Variants in EPB41L4A observed in about 807,000 individuals in gnomAD.
EPB41L4A encodes the protein erythrocyte membrane protein band 4.1 like 4A, also known as band 4.1-like protein 4A.
Under a neutral mutation model 108.6 loss-of-function variants are expected in EPB41L4A, and 100 were observed. That is an observed-to-expected ratio of 0.92 (90% CI 0.78 to 1.09). The LOEUF (loss-of-function observed/expected upper bound fraction) is 1.09, where lower values mean the gene tolerates loss of function less well. EPB41L4A is among the 50% of genes least tolerant of loss of function. The pLI is 0.00. For missense variants in EPB41L4A, 1,030 were observed against 842.7 expected, an observed-to-expected ratio of 1.22 and a Z score of -2.75; for synonymous variants, 319 against 289.0, an observed-to-expected ratio of 1.10 and a Z score of -1.05.
At chr5:112,158,363 TTAAAC>T (rs1461687435), downstream of EPB41L4A, 1 of 324,956 alleles carries the variant, frequency 3.1e-6, no homozygotes, top group African/African-American at 2.2e-5. Flanking sequence ...TCATAATTCT[TTAAAC>T]TAACCCATAT....
chr5:112,313,858 CTTTTTTTTTTTT>C lies in EPB41L4A; in HGVS notation c.100-6380_100-6369del, dbSNP rs1188991050. Reference sequence around the variant, plus strand: ...AACCGCTCCAAAAAAAGGTAACTTTCTTTTTTTTTTTTTTTTTTTTTTTGAGATGGAGTCTCA... The same window carrying C: ...AACCGCTCCAAAAAAAGGTAACTTTCTTTTTTTTTTTGAGATGGAGTCTCA... On this transcript the variant is annotated intron_variant, in intron 1 of 22. Transcript: ENST00000261486. Among the ~76,000 whole-genome samples, 3 of 89,470 alleles carry C rather than the reference CTTTTTTTTTTTT, an allele frequency of 3.4e-5. No individual in the cohort carries two copies. The East Asian group carries it at 1.1e-3, about 32-fold the overall frequency. 58.7% of individuals were successfully genotyped at this position (89,470 alleles called of 152,430 possible).
At chr5:112,145,721 A>T (rs1759227021) in intron 13 of EPB41L4A, among the ~76,000 whole-genome samples, 1 of 152,232 alleles carries the variant, frequency 6.6e-6, no homozygotes, top group African/African-American at 2.4e-5. Flanking sequence ...ATTTCACATC[A>T]TCCCAAATTT....
rs906712920 is a variant in EPB41L4A at position 112,220,650 on chromosome 5, G to C, written c.1088-10668C>G. On this transcript the variant is annotated intron_variant, in intron 12 of 22. Transcript: ENST00000261486. ...TGCCCTCCCCACCTGACTCAGATCA[G>C]GACACGCTACCCCAAACTATAACAC... Among the ~76,000 whole-genome samples, 4 of 152,150 alleles carry C rather than the reference G, an allele frequency of 2.6e-5. 1 individual carries two copies. The South Asian group carries it at 8.3e-4, about 32-fold the overall frequency.
At chr5:112,272,420 C>A (rs919034057) in intron 4 of EPB41L4A, among the ~76,000 whole-genome samples, 3 of 151,518 alleles carry the variant, frequency 2.0e-5, no homozygotes, top group Non-Finnish European at 4.4e-5. Context: ...GGATTACAAG[C>A]GTGAGCCACT....
chr5:112,300,086 T>C (rs1676549338), intron 2 of EPB41L4A, among the ~76,000 whole-genome samples: 1 of 152,220 alleles, frequency 6.6e-6, no homozygotes, highest in Non-Finnish European at 1.5e-5. Flanking sequence ...GGTTGGTGAA[T>C]TCTTATCCAT....
At chr5:112,232,385 G>C (rs374300666) in intron 12 of EPB41L4A, among the ~76,000 whole-genome samples, 1 of 152,168 alleles carries the variant, frequency 6.6e-6, no homozygotes, top group Non-Finnish European at 1.5e-5. Flanking sequence ...TGCCTTTCAC[G>C]TCTTAGTTTC....
chr5:112,176,754 T>C (rs13168520), intron 18 of EPB41L4A, among the ~76,000 whole-genome samples: 3 of 137,362 alleles, frequency 2.2e-5, no homozygotes, highest in Non-Finnish European at 4.7e-5. Flanking sequence ...TTTTTTTTTT[T>C]TTTTTTTTTT....
At chr5:112,319,445 T>A (rs1755630144) in intron 1 of EPB41L4A, among the ~76,000 whole-genome samples, 1 of 152,190 alleles carries the variant, frequency 6.6e-6, no homozygotes, top group African/African-American at 2.4e-5. Flanking sequence ...TAAGTACAAC[T>A]GATTTGGTCA....
intron 1 of EPB41L4A, among the ~76,000 whole-genome samples, chr5:112,355,363 A>C (rs961870715): frequency 1.1e-4 from 16 of 152,226 alleles, no homozygotes; most frequent in African/African-American, 3.9e-4. Context: ...TTTTTAAATT[A>C]AGTATGAAAT....
chr5:112,265,313 A>G (rs1751771194), intron 5 of EPB41L4A, among the ~76,000 whole-genome samples: 1 of 152,262 alleles, frequency 6.6e-6, no homozygotes, highest in Non-Finnish European at 1.5e-5. Flanking sequence ...TGTTGTAAAC[A>G]GCATTTCAAG....
intron 2 of EPB41L4A, among the ~76,000 whole-genome samples, chr5:112,296,912 T>C (rs1164219392): frequency 2.6e-5 from 4 of 152,086 alleles, no homozygotes; most frequent in Non-Finnish European, 5.9e-5. Flanking sequence ...TCCAATATCA[T>C]CAAGGTTGCT....
At chr5:112,238,833 T>C (rs988509853) in intron 11 of EPB41L4A, among the ~76,000 whole-genome samples, 16 of 152,334 alleles carry the variant, frequency 1.1e-4, no homozygotes, top group African/African-American at 3.8e-4. Context: ...GCTCTCTCCA[T>C]TGAACAGAAT....
intron 1 of EPB41L4A, among the ~76,000 whole-genome samples, chr5:112,327,586 T>C (rs1165874102): frequency 6.6e-6 from 1 of 152,024 alleles, no homozygotes; most frequent in Non-Finnish European, 1.5e-5. Context: ...TATGGTGACA[T>C]ACAACTGTAG....
chr5:112,203,566 T>C (rs1413489903), intron 15 of EPB41L4A, among the ~76,000 whole-genome samples: 10 of 152,174 alleles, frequency 6.6e-5, no homozygotes, highest in Admixed American at 4.6e-4. Context: ...AGCTAAGAAC[T>C]TTTTAAATTA....
chr5:112,222,914 C>T (rs1253494812), intron 12 of EPB41L4A, among the ~76,000 whole-genome samples: 1 of 150,796 alleles, frequency 6.6e-6, no homozygotes, highest in Non-Finnish European at 1.5e-5. Context: ...AAGGGCCAAG[C>T]AGGGCACCTG....
intron 18 of EPB41L4A, among the ~76,000 whole-genome samples, chr5:112,179,322 A>G (rs1015785728): frequency 2.6e-5 from 4 of 152,124 alleles, no homozygotes; most frequent in Non-Finnish European, 5.9e-5. Flanking sequence ...GGAAGAAGGA[A>G]TATTTCTCAA....
chr5:112,383,937 A>AT (rs1426511252), intron 1 of EPB41L4A, among the ~76,000 whole-genome samples: 1 of 152,238 alleles, frequency 6.6e-6, no homozygotes, highest in Non-Finnish European at 1.5e-5. Flanking sequence ...AAAGTTAGCC[A>AT]TAAAAATGAA....
At position 112,184,010 on chromosome 5, in the gene EPB41L4A, A is replaced by G. The variant is rs775272545; in HGVS notation, c.1622+6T>C. The G allele has an allele frequency of 7.4e-6, 12 of 1,613,874 alleles. No homozygotes were observed. Among genetic ancestry groups the G allele is most frequent in the Non-Finnish European group, 1.0e-5 (12 of 1,179,912 alleles). The stretch of plus-strand genomic sequence containing the variant: ...TTGAATCAAGGTATAAAAAGAGTCC[A>G]CATACGAACGAGATCTGTGTCTGGA... On this transcript the variant is annotated splice_donor_region_variant and intron_variant, in intron 18 of 22. Coordinates refer to ENST00000261486, the MANE Select transcript of EPB41L4A (RefSeq NM_022140.5).
intron 17 of EPB41L4A, among the ~76,000 whole-genome samples, chr5:112,187,199 A>G (rs1031708165): frequency 7.9e-5 from 12 of 152,202 alleles, no homozygotes; most frequent in African/African-American, 2.9e-4. Flanking sequence ...GGATCTATTA[A>G]TTTTCAAATG....
Sources: gnomAD v4.1 joint callset for allele counts (sites outside exome capture counted in the v4.1 genomes callset) on GRCh38, gnomAD v4.1.1 for gene constraint, MANE v1.5 for transcripts, NCBI Gene and HGNC (gene_info 2026-07-23, HGNC 2026-07-21) for gene names.